The following PLA1A variants were observed in gnomAD, a reference collection of about 807,000 sequenced individuals.
PLA1A encodes the protein phospholipase A1 member A, also known as phosphatidylserine-specific phospholipase A1alpha.
PLA1A carries 47 observed loss-of-function variants against 49.4 expected under a neutral mutation model. The ratio of observed to expected loss-of-function variants is 0.95; its 90% CI spans 0.75 to 1.21. PLA1A has a LOEUF of 1.21. Ranked by LOEUF, PLA1A falls within the 50% of genes most tolerant of loss-of-function variation. The pLI is 0.00. For missense variants in PLA1A, 561 were observed against 563.9 expected (o/e 0.99, Z 0.05); for synonymous variants, 224 against 207.9 (o/e 1.08, Z -0.67).
intron 2 of PLA1A, among the ~76,000 whole-genome samples, chr3:119,607,599 G>GAC (rs2082706363): frequency 6.6e-6 from 1 of 152,216 alleles, no homozygotes; most frequent in South Asian, 2.1e-4. Context: ...TGAAAAGGTA[G>GAC]ACACAAAGGC....
intron 1 of PLA1A, 119 bp from the exon 2 acceptor site, chr3:119,606,655 T>C (rs1367399224): frequency 1.5e-6 from 1 of 666,506 alleles, no homozygotes; most frequent in Non-Finnish European, 2.6e-6. Context: ...AGCTGATGTA[T>C]AATAAACCCC....
chr3:119,624,922 C>T (rs1224857463), intron 8 of PLA1A, among the ~76,000 whole-genome samples: 3 of 152,202 alleles, frequency 2.0e-5, no homozygotes, highest in East Asian at 1.9e-4. Context: ...TGAACCACTG[C>T]GCCCAGCCAA....
intron 4 of PLA1A, among the ~76,000 whole-genome samples, 179 bp from the exon 5 acceptor site, chr3:119,612,838 A>T (rs2082787569): frequency 6.6e-6 from 1 of 152,212 alleles, no homozygotes; most frequent in Non-Finnish European, 1.5e-5. Flanking sequence ...GGTTACCTCT[A>T]GAGAGACAAC....
rs1050551666 is a variant in PLA1A at position 119,616,073 on chromosome 3, A to G, written c.726A>G (p.Gln242=). ...VDYFVNGGQD[Q]PGCPTFFYAG... is the part of the protein sequence containing the mutation. Reference sequence around the variant, plus strand: ...ACTTCGTCAACGGAGGCCAAGACCAACCTGGCTGCCCCACCTTCTTTTACG... The same window carrying G: ...ACTTCGTCAACGGAGGCCAAGACCAGCCTGGCTGCCCCACCTTCTTTTACG... Residue 242 remains glutamine (Q), a synonymous_variant, in exon 6 of 11, where the codon CAA becomes CAG. Coordinates refer to ENST00000273371, the MANE Select transcript of PLA1A (RefSeq NM_015900.4). The G allele has an allele frequency of 1.9e-6, 3 of 1,613,074 alleles. No individual in the cohort carries two copies. Among genetic ancestry groups the G allele is most frequent in the Admixed American group, 1.7e-5 (1 of 60,006 alleles).
chr3:119,622,450 A>G (rs1364718744), intron 8 of PLA1A, among the ~76,000 whole-genome samples: 3 of 152,302 alleles, frequency 2.0e-5, no homozygotes, highest in African/African-American at 4.8e-5. Context: ...GTGGTATAAG[A>G]TGTCCTCCTC....
chr3:119,618,096 A>G lies in PLA1A; in HGVS notation c.832A>G (p.Met278Val), dbSNP rs755813713. The change falls in exon 7 of 11, where the codon ATG becomes GTG. Residue 278 changes from methionine (M) to valine (V), a missense_variant. By Grantham distance (21) the Met-to-Val change is conservative. Transcript: ENST00000273371. ...ISALENSCPL[M>V]AFPCASYKAF... ...CGCCCTGGAGAATTCCTGTCCACTG[A>G]TGGCCTTTCCCTGTGCCAGCTACAA... The G allele has an allele frequency of 6.2e-7, 1 of 1,614,078 alleles. No homozygotes were observed. The highest frequency in any genetic ancestry group is 8.5e-7 in the Non-Finnish European group (1 of 1,179,916).
chr3:119,627,255 G>A (rs1451903449), intron 9 of PLA1A, among the ~76,000 whole-genome samples: 1 of 152,204 alleles, frequency 6.6e-6, no homozygotes, highest in Admixed American at 6.5e-5. Flanking sequence ...GAGGTTATGT[G>A]TGGTCTTTTT....
intron 1 of PLA1A, among the ~76,000 whole-genome samples, chr3:119,603,578 T>G (rs1244073437): frequency 6.6e-6 from 1 of 152,236 alleles, no homozygotes; most frequent in East Asian, 1.9e-4. Context: ...TTATCTAATC[T>G]AAGTCTTTCC....
intron 1 of PLA1A, among the ~76,000 whole-genome samples, chr3:119,606,142 T>C (rs2082684949): frequency 6.6e-6 from 1 of 152,242 alleles, no homozygotes; most frequent in African/African-American, 2.4e-5. Context: ...TGCCATGGAC[T>C]GGGTGGCTAG....
intron 4 of PLA1A, among the ~76,000 whole-genome samples, chr3:119,609,789 T>C (rs549502595): frequency 1.3e-5 from 2 of 152,360 alleles, no homozygotes; most frequent in South Asian, 2.1e-4. Context: ...TGAGAGGCCA[T>C]GTATTTCTTC....
rs747898428 is a variant in PLA1A at position 119,597,997 on chromosome 3, G to T, written c.73+11G>T. The T allele has an allele frequency of 1.9e-6, 3 of 1,571,900 alleles. 1 individual carries two copies. The South Asian group carries it at 3.4e-5, about 18-fold the overall frequency. Reference sequence around the variant, plus strand: ...GCGTTGGAAGTTCAGGTAAGCCAGGGCTCAGGCCTTGGGAGGAACTTATTT... The same window carrying T: ...GCGTTGGAAGTTCAGGTAAGCCAGGTCTCAGGCCTTGGGAGGAACTTATTT... On this transcript the variant is annotated intron_variant, in intron 1 of 10. Coordinates refer to ENST00000273371, the MANE Select transcript of PLA1A (RefSeq NM_015900.4).
intron 8 of PLA1A, chr3:119,620,259 G>T: frequency 2.4e-5 from 10 of 413,262 alleles, no homozygotes; most frequent in South Asian, 1.8e-4. Context: ...TATACTTCCT[G>T]GTTTATGCTG....
intron 8 of PLA1A, among the ~76,000 whole-genome samples, chr3:119,623,916 G>C (rs1048766419): frequency 1.3e-5 from 2 of 151,490 alleles, no homozygotes; most frequent in African/African-American, 4.9e-5. Context: ...GTAGAGACAG[G>C]GTTTCACCAT....
chr3:119,609,466 A>G lies in PLA1A; in HGVS notation c.454-2A>G. The G allele has an allele frequency of 6.3e-7, 1 of 1,590,282 alleles. No homozygotes were observed. The highest frequency in any genetic ancestry group is 8.6e-7 in the Non-Finnish European group (1 of 1,158,464). On this transcript the variant is annotated splice_acceptor_variant, in intron 3 of 10. Transcript: ENST00000273371. LOFTEE classifies it high-confidence loss of function. ...GGGAACTCACTGTTCCTGCTCTTCT[A>G]GGTGCTGGGTGTGTCGGAATCCTCA...
rs79356811 is a variant in PLA1A at position 119,624,634 on chromosome 3, AT to A, written c.1013-475del. ...CACTTATTTCAGACCTAGGGTATCT[AT>A]TTTTTTTTTTTTTTAGACGGAGTCT... On this transcript the variant is annotated intron_variant, in intron 8 of 10. Transcript: ENST00000273371. Among the ~76,000 whole-genome samples the A allele has an allele frequency of 8.1e-3, 1,163 of 143,236 alleles. 5 individuals are homozygous for A. Among genetic ancestry groups the A allele is most frequent in the Middle Eastern group, 0.014 (4 of 276 alleles). The allele number at this position is 143,236 out of a possible 152,430, so 94.0% of individuals were successfully genotyped here.
chr3:119,616,087 C>G lies in PLA1A; in HGVS notation c.740C>G (p.Thr247Ser), dbSNP rs200459053. ...GGCCAAGACCAACCTGGCTGCCCCACCTTCTTTTACGCAGGTCAGAAAGCC... is the reference window on the plus strand; with the variant it reads ...GGCCAAGACCAACCTGGCTGCCCCAGCTTCTTTTACGCAGGTCAGAAAGCC... Reference protein sequence around the residue: ...NGGQDQPGCPTFFYAGYSYLI... With the variant: ...NGGQDQPGCPSFFYAGYSYLI... The change falls in exon 6 of 11, where the codon ACC becomes AGC. Residue 247 changes from threonine to serine, a missense_variant. By Grantham distance (58) the Thr-to-Ser change is moderately conservative. Transcript: ENST00000273371. The G allele has an allele frequency of 2.7e-5, 44 of 1,610,256 alleles. No homozygotes were observed. The East Asian group carries it at 8.5e-4, about 31-fold the overall frequency.
Position 119,597,964 on chromosome 3 carries a change from G to T in PLA1A, c.51G>T (p.Leu17Phe), listed in dbSNP as rs766285904. The T allele has an allele frequency of 1.2e-5, 20 of 1,609,266 alleles. No individual in the cohort carries two copies. The highest frequency in any genetic ancestry group is 1.7e-5 in the Non-Finnish European group (20 of 1,177,556). Residue 17 changes from leucine to phenylalanine, a missense_variant, in exon 1 of 11, where the codon TTG becomes TTT. Coordinates refer to ENST00000273371, the MANE Select transcript of PLA1A (RefSeq NM_015900.4). ...ESCFWVGGLI[L>F]WLSVGSSGDA... ...GCTTCTGGGTGGGGGGCCTCATTTT[G>T]TGGCTCAGCGTTGGAAGTTCAGGTA...
At chr3:119,626,379 C>T (rs2052536560) in intron 9 of PLA1A, among the ~76,000 whole-genome samples, 2 of 152,306 alleles carry the variant, frequency 1.3e-5, no homozygotes, top group African/African-American at 4.8e-5. Context: ...GTGAGCAATG[C>T]CCTGAGAGTG....
chr3:119,614,519 T>C (rs1037330488), intron 5 of PLA1A, among the ~76,000 whole-genome samples: 3 of 147,282 alleles, frequency 2.0e-5, no homozygotes, highest in South Asian at 4.2e-4. Flanking sequence ...GGCAGGAGAA[T>C]GCCCTGAACC....
Sources: allele counts gnomAD v4.1 joint callset (sites outside exome capture counted in the v4.1 genomes callset), GRCh38; gene constraint gnomAD v4.1.1; transcripts MANE v1.5; gene names NCBI Gene and HGNC (gene_info 2026-07-23, HGNC 2026-07-21).